Variants in CNTNAP2 observed in about 807,000 individuals in gnomAD.
CNTNAP2 encodes contactin associated protein 2, also known as contactin-associated protein-like 2.
Under a neutral mutation model 155.2 loss-of-function variants are expected in CNTNAP2, and 98 were observed. The ratio of observed to expected loss-of-function variants is 0.63; its 90% CI spans 0.54 to 0.75. The LOEUF is 0.75. CNTNAP2 is among the 30% of genes least tolerant of loss of function. CNTNAP2 has a pLI of 0.00. For synonymous variants in CNTNAP2, 651 were observed against 631.2 expected, an observed-to-expected ratio of 1.03 and a Z score of -0.47; for missense variants, 1,727 against 1,688.1, an observed-to-expected ratio of 1.02 and a Z score of -0.40.
chr7:147,579,312 A>G (rs1265297072), intron 12 of CNTNAP2, among the ~76,000 whole-genome samples: 1 of 152,138 alleles, frequency 6.6e-6, no homozygotes, highest in African/African-American at 2.4e-5. Flanking sequence ...AGCTTGCATA[A>G]TTGTTAATGT....
chr7:147,785,915 C>T (rs922022502), intron 13 of CNTNAP2, among the ~76,000 whole-genome samples: 5 of 151,934 alleles, frequency 3.3e-5, no homozygotes, highest in African/African-American at 1.2e-4. Context: ...TCACCTGAAC[C>T]CAGGATGGGG....
At position 146,842,993 on chromosome 7, in the gene CNTNAP2, A is replaced by ATTTTTTT. The variant is rs1257696854; in HGVS notation, c.402+3089_402+3090insTTTTTTT. On this transcript the variant is annotated intron_variant, in intron 3 of 23. Coordinates refer to ENST00000361727, the MANE Select transcript of CNTNAP2 (RefSeq NM_014141.6). ...AGCCACCACGCCCGGCCTGTCCCAC[A>ATTTTTTT]CTTTTTTTTTTTTTTTTTTTTTTTT... Among the ~76,000 whole-genome samples the ATTTTTTT allele has an allele frequency of 5.1e-3, 123 of 24,220 alleles. 4 individuals carry two copies. Among genetic ancestry groups the ATTTTTTT allele is most frequent in the Non-Finnish European group, 8.2e-3 (106 of 12,902 alleles). The allele number at this position is 24,220 out of a possible 152,430, so 15.9% of individuals were successfully genotyped here.
chr7:147,824,567 C>T (rs775395541), intron 13 of CNTNAP2, among the ~76,000 whole-genome samples: 19 of 152,216 alleles, frequency 1.2e-4, no homozygotes, highest in Non-Finnish European at 1.8e-4. Context: ...ATGTCTGTAT[C>T]GCCAATATGA....
intron 1 of CNTNAP2, among the ~76,000 whole-genome samples, chr7:146,773,481 T>C (rs10236065): frequency 0.44 from 67,146 of 152,124 alleles, 18,086 homozygotes; most frequent in African/African-American, 0.76. Context: ...CCGCAACCTC[T>C]GCCTGCCAGG....
At chr7:147,233,345 T>C (rs545408378) in intron 8 of CNTNAP2, among the ~76,000 whole-genome samples, 218 of 152,352 alleles carry the variant, frequency 1.4e-3, no homozygotes, top group Non-Finnish European at 2.6e-3. Flanking sequence ...AGCTGAACTG[T>C]TGACTCACAG....
chr7:148,055,893 C>G (rs1042171316), intron 15 of CNTNAP2, among the ~76,000 whole-genome samples: 2 of 152,112 alleles, frequency 1.3e-5, no homozygotes, highest in African/African-American at 4.8e-5. Flanking sequence ...CAATTTATAG[C>G]CTTGATAACC....
At chr7:148,270,331 G>A (rs1351338304) in intron 21 of CNTNAP2, among the ~76,000 whole-genome samples, 1 of 152,142 alleles carries the variant, frequency 6.6e-6, no homozygotes, top group Non-Finnish European at 1.5e-5. Context: ...CACAAACTAG[G>A]TAACTGTGCA....
intron 13 of CNTNAP2, among the ~76,000 whole-genome samples, chr7:147,663,127 C>T (rs111301813): frequency 0.067 from 10,131 of 152,114 alleles, 909 homozygotes; most frequent in African/African-American, 0.18. Flanking sequence ...GCCTCCTGAG[C>T]AGCTGGGATT....
chr7:146,924,862 T>C lies in CNTNAP2; in HGVS notation c.402+84958T>C, dbSNP rs1241542465. ...ATTATTTTATAAATCTTTTGATTCA[T>C]AGAAGTTTCAACCCATAACACTGAA... is the stretch of plus-strand genomic sequence containing the variant. On this transcript the variant is annotated intron_variant, in intron 3 of 23. Transcript: ENST00000361727. Among the ~76,000 whole-genome samples, 4 of 152,272 alleles carry C rather than the reference T, an allele frequency of 2.6e-5. No homozygotes were observed. The East Asian group carries it at 7.7e-4, about 29-fold the overall frequency.
chr7:146,625,039 G>A (rs768438500), intron 1 of CNTNAP2, among the ~76,000 whole-genome samples: 4 of 151,904 alleles, frequency 2.6e-5, no homozygotes, highest in Non-Finnish European at 4.4e-5. Context: ...ACAAGTATCT[G>A]GGTCTTGCCA....
intron 13 of CNTNAP2, among the ~76,000 whole-genome samples, chr7:147,842,009 A>T (rs1340551288): frequency 7.9e-6 from 1 of 126,198 alleles, no homozygotes; most frequent in Non-Finnish European, 1.7e-5. Context: ...CACAGTTTAT[A>T]TTGGTCAAAG....
At chr7:147,669,154 C>A (rs2116963388) in intron 13 of CNTNAP2, among the ~76,000 whole-genome samples, 1 of 152,246 alleles carries the variant, frequency 6.6e-6, no homozygotes, top group Non-Finnish European at 1.5e-5. Flanking sequence ...TAAGTACATT[C>A]TATGATGTCC....
At chr7:147,108,732 T>C (rs1410853338) in intron 5 of CNTNAP2, among the ~76,000 whole-genome samples, 1 of 152,144 alleles carries the variant, frequency 6.6e-6, no homozygotes. Context: ...AACAGATTAA[T>C]ATGATAAAGG....
chr7:147,383,794 A>G (rs826652), intron 9 of CNTNAP2, among the ~76,000 whole-genome samples: 19,627 of 152,040 alleles, frequency 0.13, 1,520 homozygotes, highest in East Asian at 0.32. Context: ...AAAAATAAAA[A>G]TCGTTTATGA....
chr7:148,045,692 G>A (rs769878010), intron 15 of CNTNAP2, among the ~76,000 whole-genome samples: 11 of 152,178 alleles, frequency 7.2e-5, no homozygotes, highest in South Asian at 2.1e-4. Flanking sequence ...TTTACTGAGC[G>A]TCTAGCTTAT....
chr7:148,219,924 C>A (rs980520875), intron 19 of CNTNAP2, among the ~76,000 whole-genome samples: 4 of 152,104 alleles, frequency 2.6e-5, no homozygotes, highest in African/African-American at 9.7e-5. Flanking sequence ...ACTGTTATTA[C>A]TAACTTAATT....
At chr7:148,137,190 C>T (rs996087201) in intron 16 of CNTNAP2, among the ~76,000 whole-genome samples, 1 of 152,200 alleles carries the variant, frequency 6.6e-6, no homozygotes, top group African/African-American at 2.4e-5. Flanking sequence ...TAATGTTCAA[C>T]CCTTAGTTTC....
chr7:147,740,795 G>T (rs1796943563), intron 13 of CNTNAP2, among the ~76,000 whole-genome samples: 1 of 152,196 alleles, frequency 6.6e-6, no homozygotes, highest in South Asian at 2.1e-4. Flanking sequence ...TGTGTGCAAG[G>T]AATTTATGAA....
chr7:146,682,131 C>T lies in CNTNAP2; in HGVS notation c.98-92140C>T, dbSNP rs529604141. ...TTATGAAAACAGAAAGTAAATTTCACATCTATCATTCATCTTATAAATTCT... is the reference window on the plus strand; with the variant it reads ...TTATGAAAACAGAAAGTAAATTTCATATCTATCATTCATCTTATAAATTCT... On this transcript the variant is annotated intron_variant, in intron 1 of 23. Transcript: ENST00000361727. Among the ~76,000 whole-genome samples, 353 of 152,238 alleles carry T rather than the reference C, an allele frequency of 2.3e-3. 2 individuals are homozygous for T. Among genetic ancestry groups the T allele is most frequent in the African/African-American group, 8.3e-3 (343 of 41,534 alleles).
Sources: gnomAD v4.1 joint callset for allele counts (sites outside exome capture counted in the v4.1 genomes callset) on GRCh38, gnomAD v4.1.1 for gene constraint, MANE v1.5 for transcripts, NCBI Gene and HGNC (gene_info 2026-07-23, HGNC 2026-07-21) for gene names.